The following DACT3 variants were observed in gnomAD, a reference collection of about 807,000 sequenced individuals.
The protein encoded by DACT3 is dishevelled binding antagonist of beta catenin 3.
In DACT3, 5 loss-of-function variants were observed where a neutral mutation model predicts 19.6. The ratio of observed to expected loss-of-function variants is 0.26; its 90% CI spans 0.13 to 0.54. The LOEUF is 0.54. Ranked by LOEUF, DACT3 falls within the 20% of genes least tolerant of loss-of-function variation. The probability of loss-of-function intolerance (pLI) is 0.95; values close to 1 mark genes in which losing one functional copy is unlikely to be tolerated. For synonymous variants in DACT3, 454 were observed against 428.1 expected (o/e 1.06, Z -0.75); for missense variants, 908 against 927.4 (o/e 0.98, Z 0.27).
chr19:46,660,858 C>T lies in DACT3; in HGVS notation c.207G>A (p.Ala69=). The stretch of plus-strand genomic sequence containing the variant: ...CCGCTGCGGCCCGGCGCGCCGCCGC[C>T]GCATCTTCATCCTCATCGGCGTCCT... ...DEEDADEDED[A]AAARRAAAAL... Residue 69 remains alanine, a synonymous_variant, in exon 1 of 4, where the codon GCG becomes GCA. Transcript: ENST00000391916. The surrounding 1 kb of genome is among the most constrained non-coding windows in gnomAD (Gnocchi z 4.9). The T allele has an allele frequency of 6.6e-7, 1 of 1,524,530 alleles. No individual in the cohort carries two copies. Among genetic ancestry groups the T allele is most frequent in the Non-Finnish European group, 8.8e-7 (1 of 1,141,254 alleles). 94.4% of individuals were successfully genotyped at this position (1,524,530 alleles called of 1,614,324 possible).
In DACT3 at chr19:46,653,970, T is replaced by C. The variant is rs554181406; in HGVS notation, c.250-895A>G. ...TGCTGCAGATTGCCTCTTTCCCCCA[T>C]ATGGGTAAAATAGGCTGACCACGAC... On this transcript the variant is annotated intron_variant, in intron 1 of 3. Coordinates refer to ENST00000391916, the MANE Select transcript of DACT3 (RefSeq NM_145056.3). 8.0e-5 allele frequency: 79 copies of C among 985,190 alleles called. No individual in the cohort carries two copies. In the African/African-American group the frequency reaches 1.3e-3, roughly 16 times the overall value. 61.0% of individuals were successfully genotyped at this position (985,190 alleles called of 1,614,324 possible).
At chr19:46,656,629 C>T (rs764297965) in intron 1 of DACT3, among the ~76,000 whole-genome samples, 41 of 152,154 alleles carry the variant, frequency 2.7e-4, no homozygotes, top group Non-Finnish European at 6.0e-4. Flanking sequence ...GGATTGCAGG[C>T]ATGAGCCATT....
Position 46,649,597 on chromosome 19 carries a change from TG to T in DACT3, c.774del (p.Arg259GlyfsTer62). On this transcript the variant is annotated frameshift_variant, in exon 4 of 4. Coordinates refer to ENST00000391916, the MANE Select transcript of DACT3 (RefSeq NM_145056.3). LOFTEE classifies it low-confidence loss of function (END_TRUNC). Reference protein sequence around the residue: ...PLDGYISALLRRRRRRGAGQP... With the variant: ...PLDGYISALLXRRRRRGAGQP... ...TGGCCCGCCCCCCGGCGGCGGCGCC[TG>T]CGCAGGAGCGCCGAGATGTAGCCGT... 1 of 1,115,342 alleles carries T rather than the reference TG, an allele frequency of 9.0e-7. No individual in the cohort carries two copies. Among genetic ancestry groups the T allele is most frequent in the South Asian group, 2.9e-5 (1 of 34,554 alleles). 69.1% of individuals were successfully genotyped at this position (1,115,342 alleles called of 1,614,324 possible). A position where few individuals can be genotyped will look rare whatever the true frequency, so the allele number is the denominator to read the frequency against.
In DACT3 at chr19:46,653,011, C is replaced by G. The variant is rs929161208; in HGVS notation, c.314G>C (p.Gly105Ala). Residue 105 changes from glycine (G) to alanine (A), a missense_variant, in exon 2 of 4, where the codon GGG becomes GCG. Gly to Ala is a moderately conservative substitution (Grantham distance 60). Transcript: ENST00000391916. ...ACGCCCGCTCTCCTGTTCCAGGCCCCCAGACTCCAGGCTCAGGTCTCCCAG... is the reference window on the plus strand; with the variant it reads ...ACGCCCGCTCTCCTGTTCCAGGCCCGCAGACTCCAGGCTCAGGTCTCCCAG... Reference protein sequence around the residue: ...QQLGDLSLESGGLEQESGRSS... With the variant: ...QQLGDLSLESAGLEQESGRSS... The G allele has an allele frequency of 7.7e-6, 12 of 1,551,414 alleles. No homozygotes were observed. Among genetic ancestry groups the G allele is most frequent in the Admixed American group, 2.0e-5 (1 of 50,976 alleles).
At position 46,649,248 on chromosome 19, in the gene DACT3, G is replaced by A. The variant is rs1279665478; in HGVS notation, c.1124C>T (p.Ala375Val). 5.6e-5 allele frequency: 67 copies of A among 1,198,814 alleles called. No individual in the cohort carries two copies. Among genetic ancestry groups the A allele is most frequent in the Non-Finnish European group, 6.5e-5 (63 of 969,404 alleles). The allele number at this position is 1,198,814 out of a possible 1,614,324, so 74.3% of individuals were successfully genotyped here. A position where few individuals can be genotyped will look rare whatever the true frequency, so the allele number is the denominator to read the frequency against. ...GGTCAGTGGCGGCGGTTTGCGGCGG[G>A]CGGCGCGGCCAGGGAGGCCTCGGGT... The part of the protein sequence containing the change: ...AATRGLPGRA[A>V]RRKPPPLTRG... The change falls in exon 4 of 4, where the codon GCC (alanine) becomes GTC (valine). Residue 375 changes from alanine to valine, a missense_variant. Physicochemically the swap from Ala to Val is moderately conservative, Grantham distance 64. Transcript: ENST00000391916.
rs1238547040 is a variant in DACT3 at position 46,652,808 on chromosome 19, G to T, written c.351C>A (p.Phe117Leu). ...CTCCTGTAGAGCTGGGATCTTCATA[G>T]AAGCCTAAATTTCCAGGAGAAGCAG... is the stretch of plus-strand genomic sequence containing the variant. ...LEQESGRSSG[F>L]YEDPSSTGGP... The change falls in exon 3 of 4, where the codon TTC becomes TTA. Residue 117 changes from phenylalanine (F) to leucine (L), a missense_variant. Physicochemically the swap from Phe to Leu is conservative, Grantham distance 22. Transcript: ENST00000391916. The T allele has an allele frequency of 1.9e-6, 3 of 1,549,116 alleles. No homozygotes were observed. Among genetic ancestry groups the T allele is most frequent in the Non-Finnish European group, 2.6e-6 (3 of 1,145,364 alleles).
Position 46,648,691 on chromosome 19 carries a change from T to G in DACT3, c.1681A>C (p.Ser561Arg). 1.2e-6 allele frequency: 2 copies of G among 1,610,802 alleles called. No homozygotes were observed. Among genetic ancestry groups the G allele is most frequent in the Non-Finnish European group, 8.5e-7 (1 of 1,179,272 alleles). ...SASEGESPAF[S>R]SASSDSDGSG... Reference sequence around the variant, plus strand: ...CCGTCTGAGTCGCTGGAGGCAGAGCTGAAGGCAGGCGATTCTCCCTCGCTG... The same window carrying G: ...CCGTCTGAGTCGCTGGAGGCAGAGCGGAAGGCAGGCGATTCTCCCTCGCTG... The change falls in exon 4 of 4, where the codon AGC (serine) becomes CGC (arginine). Residue 561 changes from serine (S) to arginine (R), a missense_variant. Ser to Arg is a moderately radical substitution (Grantham distance 110). Transcript: ENST00000391916. The surrounding 1 kb of genome is among the most constrained non-coding windows in gnomAD (Gnocchi z 5.1).
chr19:46,656,363 T>C (rs1217056832), intron 1 of DACT3, among the ~76,000 whole-genome samples: 3 of 151,936 alleles, frequency 2.0e-5, no homozygotes, highest in Non-Finnish European at 4.4e-5. Context: ...TTTATTTTAT[T>C]TTTGAGACAA....
chr19:46,653,098 A>G lies in DACT3; in HGVS notation c.250-23T>C, dbSNP rs1412256295. 2.6e-6 allele frequency: 4 copies of G among 1,550,078 alleles called. No homozygotes were observed. The Admixed American group carries it at 7.9e-5, about 30-fold the overall frequency. The stretch of plus-strand genomic sequence containing the variant: ...CTCCTGAAGGCATAGGGAGAGAAGG[A>G]TGGTCAGAAGGCCCCCAGTCCTCTG... On this transcript the variant is annotated intron_variant, in intron 1 of 3. Coordinates refer to ENST00000391916, the MANE Select transcript of DACT3 (RefSeq NM_145056.3).
chr19:46,648,868 G>A lies in DACT3; in HGVS notation c.1504C>T (p.Pro502Ser), dbSNP rs898926309. Residue 502 changes from proline to serine, a missense_variant, in exon 4 of 4, where the codon CCC becomes TCC. Pro to Ser is a moderately conservative substitution (Grantham distance 74). Coordinates refer to ENST00000391916, the MANE Select transcript of DACT3 (RefSeq NM_145056.3). The surrounding 1 kb of genome is among the most constrained non-coding windows in gnomAD (Gnocchi z 5.1). Reference protein sequence around the residue: ...PRAPAARVPGPGPSPSAPQRR... With the variant: ...PRAPAARVPGSGPSPSAPQRR... The stretch of plus-strand genomic sequence containing the variant: ...TGGGGAGCTGACGGGGACGGGCCGG[G>A]GCCGGGAACACGCGCCGCAGGGGCT... The A allele has an allele frequency of 1.2e-5, 17 of 1,419,274 alleles. No homozygotes were observed. The highest frequency in any genetic ancestry group is 1.5e-5 in the Non-Finnish European group (17 of 1,098,236). 87.9% of individuals were successfully genotyped at this position (1,419,274 alleles called of 1,614,324 possible).
intron 1 of DACT3, among the ~76,000 whole-genome samples, chr19:46,653,374 C>A (rs1275261617): frequency 3.3e-5 from 5 of 151,858 alleles, no homozygotes; most frequent in African/African-American, 1.2e-4. Context: ...TCAGTTGCTA[C>A]CCCCAATCTG....
intron 1 of DACT3, among the ~76,000 whole-genome samples, chr19:46,658,126 C>T (rs1000489805): frequency 6.6e-6 from 1 of 151,928 alleles, no homozygotes; most frequent in Non-Finnish European, 1.5e-5. Context: ...GGTACAGTAG[C>T]TCACACCTGC....
intron 3 of DACT3, chr19:46,650,830 T>G (rs1027044843): frequency 9.2e-5 from 14 of 152,056 alleles, no homozygotes; most frequent in African/African-American, 3.4e-4. Flanking sequence ...ATGCCCGGAA[T>G]GCTCTTCCTT....
At position 46,648,474 on chromosome 19, in the gene DACT3, C is replaced by A. The variant is rs374060217; in HGVS notation, c.*8G>T. The A allele has an allele frequency of 1.2e-5, 20 of 1,613,792 alleles. No individual in the cohort carries two copies. Among genetic ancestry groups the A allele is most frequent in the African/African-American group, 1.2e-4 (9 of 74,914 alleles). ...CCATGAAGGGGGAGCCCAAGCAAAT[C>A]CCCAAACTCACACTGTAGTCATGAC... On this transcript the variant is annotated 3_prime_UTR_variant, in exon 4 of 4. Coordinates refer to ENST00000391916, the MANE Select transcript of DACT3 (RefSeq NM_145056.3). This position sits in a 1 kb window ranked among gnomAD's most constrained non-coding sequence, Gnocchi z 5.1.
chr19:46,656,907 A>G (rs932826250), intron 1 of DACT3, among the ~76,000 whole-genome samples: 11 of 152,210 alleles, frequency 7.2e-5, no homozygotes, highest in African/African-American at 2.7e-4. Flanking sequence ...AAGTAGTTGT[A>G]TGGCTAACAA....
rs868468143 is a variant in DACT3 at position 46,649,714 on chromosome 19, G to C, written c.658C>G (p.Pro220Ala). 1 of 1,232,632 alleles carries C rather than the reference G, an allele frequency of 8.1e-7. No homozygotes were observed. Among genetic ancestry groups the C allele is most frequent in the Non-Finnish European group, 1.0e-6 (1 of 987,658 alleles). 76.4% of individuals were successfully genotyped at this position (1,232,632 alleles called of 1,614,324 possible). Residue 220 changes from proline to alanine, a missense_variant, in exon 4 of 4, where the codon CCC becomes GCC. Physicochemically the swap from Pro to Ala is conservative, Grantham distance 27. Transcript: ENST00000391916. ...ARAGPFLTPS[P>A]LHAVAMRSPR... ...CTGCGCATCGCCACGGCGTGCAGGG[G>C]GCTGGGCGTCAGAAAGGGCCCGGCG...
At chr19:46,649,978 C>G in intron 3 of DACT3, 106 bp from the exon 4 acceptor site, 2 of 1,222,864 alleles carry the variant, frequency 1.6e-6, no homozygotes, top group Non-Finnish European at 2.1e-6. Context: ...GCCTCCCTCC[C>G]TTCCATCCTC....
rs1195428934 is a variant in DACT3 at position 46,660,183 on chromosome 19, G to A, written c.249+633C>T. ...GGTCAAGGAGAGCTGGGGCCAGGTAGGAAGCAGGGGAAGTGTCACCAAAGG... is the reference window on the plus strand; with the variant it reads ...GGTCAAGGAGAGCTGGGGCCAGGTAAGAAGCAGGGGAAGTGTCACCAAAGG... On this transcript the variant is annotated intron_variant, in intron 1 of 3. Transcript: ENST00000391916. The surrounding 1 kb of genome is among the most constrained non-coding windows in gnomAD (Gnocchi z 4.9). 6.6e-6 allele frequency among the ~76,000 whole-genome samples: 1 copy of A among 152,184 alleles called. No individual in the cohort carries two copies. The highest frequency in any genetic ancestry group is 2.4e-5 in the African/African-American group (1 of 41,444).
At chr19:46,657,478 C>T (rs1244041499) in intron 1 of DACT3, among the ~76,000 whole-genome samples, 5 of 150,896 alleles carry the variant, frequency 3.3e-5, no homozygotes, top group East Asian at 2.0e-4. Flanking sequence ...CTCAGCCTCC[C>T]GAGTAGCTGG....
Sources: gnomAD v4.1 joint callset for allele counts (sites outside exome capture counted in the v4.1 genomes callset) on GRCh38, gnomAD v4.1.1 for gene constraint, Gnocchi (gnomAD v3.1) non-coding constraint, MANE v1.5 for transcripts, NCBI Gene and HGNC (gene_info 2026-07-23, HGNC 2026-07-21) for gene names.